Variants in ZNF345 observed in about 807,000 individuals in gnomAD.
The protein encoded by ZNF345 is zinc finger protein HZF10.
For missense variants in ZNF345, 527 were observed against 589.9 expected (o/e 0.89, Z 1.10); for synonymous variants, 166 against 187.9 (o/e 0.88, Z 0.95).
At chr19:36,887,184 CCACCACCACCACCAA>C in intron 3 of ZNF345, among the ~76,000 whole-genome samples, 1 of 151,600 alleles carries the variant, frequency 6.6e-6, no homozygotes, top group African/African-American at 2.4e-5. Context: ...ACCACCACCA[CCACCACCACCACCAA>C]CAACAACAAA....
Position 36,876,941 on chromosome 19 carries a change from AATG to A in ZNF345, c.114_116del (p.Met38del). On this transcript the variant is annotated inframe_deletion, in exon 3 of 3. Coordinates refer to ENST00000420450, the MANE Select transcript of ZNF345 (RefSeq NM_001242472.2). ...GATCTCAGGAAGGACATTTCAGTGA[AATG>A]ATATTTACTCCTGAAGACATGCCCA... 6.2e-7 allele frequency: 1 copy of A among 1,614,152 alleles called. No individual in the cohort carries two copies. Among genetic ancestry groups the A allele is most frequent in the Non-Finnish European group, 8.5e-7 (1 of 1,180,002 alleles).
In ZNF345 at chr19:36,877,598, A is replaced by G; in HGVS notation, c.768A>G (p.Lys256=). Residue 256 remains lysine (K), a synonymous_variant, in exon 3 of 3, where the codon AAA becomes AAG. Transcript: ENST00000420450. ...TRHQRIHTGE[K]PYICNECGKA... ...ATCAGAGAATTCATACCGGTGAGAA[A>G]CCATATATATGTAATGAATGTGGTA... is the stretch of plus-strand genomic sequence containing the variant. 5 of 1,614,034 alleles carry G rather than the reference A, an allele frequency of 3.1e-6. No individual in the cohort carries two copies. Among genetic ancestry groups the G allele is most frequent in the Non-Finnish European group, 4.2e-6 (5 of 1,179,996 alleles).
Position 36,878,140 on chromosome 19 carries a change from G to C in ZNF345, c.1310G>C (p.Ser437Thr), listed in dbSNP as rs538397998. 1 of 1,614,144 alleles carries C rather than the reference G, an allele frequency of 6.2e-7. No individual in the cohort carries two copies. Among genetic ancestry groups the C allele is most frequent in the East Asian group, 2.2e-5 (1 of 44,868 alleles). The change falls in exon 3 of 3, where the codon AGT (serine) becomes ACT (threonine). Residue 437 changes from serine (S) to threonine (T), a missense_variant. Ser to Thr is a moderately conservative substitution (Grantham distance 58). Transcript: ENST00000420450. ...AAGGAGTGTGGGAAGGCTTTTTATAGTGGCTCAAGCCTTACTCAGCATCAG... is the reference window on the plus strand; with the variant it reads ...AAGGAGTGTGGGAAGGCTTTTTATACTGGCTCAAGCCTTACTCAGCATCAG... ...ECKECGKAFYSGSSLTQHQRI... is the reference protein window; with the variant it reads ...ECKECGKAFYTGSSLTQHQRI...
chr19:36,872,788 TC>T, intron 2 of ZNF345: 1 of 152,342 alleles, frequency 6.6e-6, no homozygotes, highest in Admixed American at 6.5e-5. Context: ...TATATATTTT[TC>T]CCTTTATAAT....
intron 2 of ZNF345, among the ~76,000 whole-genome samples, chr19:36,852,857 TC>T (rs1395258059): frequency 6.6e-6 from 1 of 151,520 alleles, no homozygotes. Context: ...CATTTGAATG[TC>T]CCCTTTTTTG....
chr19:36,858,163 G>A (rs945658089), intron 2 of ZNF345: 6 of 152,194 alleles, frequency 3.9e-5, no homozygotes, highest in African/African-American at 1.4e-4. Flanking sequence ...GGTATGGCCT[G>A]AGCATCGCCA....
At chr19:36,855,915 A>G (rs184001575) in intron 2 of ZNF345, among the ~76,000 whole-genome samples, 109 of 152,328 alleles carry the variant, frequency 7.2e-4, no homozygotes, top group East Asian at 5.0e-3. Flanking sequence ...TTTTACCCAC[A>G]CTAGCCTTAT....
chr19:36,865,407 A>G (rs1464628278), intron 2 of ZNF345, among the ~76,000 whole-genome samples: 3 of 152,214 alleles, frequency 2.0e-5, no homozygotes, highest in Non-Finnish European at 4.4e-5. Flanking sequence ...TAAGTCATTT[A>G]TCTAAGACTG....
chr19:36,889,138 A>G (rs2073026417), intron 3 of ZNF345: 1 of 152,172 alleles, frequency 6.6e-6, no homozygotes, highest in African/African-American at 2.4e-5. Flanking sequence ...CACCCCAGGA[A>G]TAAAATCCAC....
chr19:36,862,916 G>A (rs1422085294), intron 2 of ZNF345: 5 of 152,050 alleles, frequency 3.3e-5, no homozygotes, highest in African/African-American at 4.8e-5. Context: ...ATCTTTATAA[G>A]GGAGGAAATT....
intron 2 of ZNF345, chr19:36,872,895 T>C (rs1218396526): frequency 6.6e-6 from 1 of 152,248 alleles, no homozygotes; most frequent in Non-Finnish European, 1.5e-5. Flanking sequence ...TTGAGGATCC[T>C]GAATCTTTTA....
intron 2 of ZNF345, among the ~76,000 whole-genome samples, chr19:36,865,442 A>G (rs1236625081): frequency 6.6e-6 from 1 of 152,108 alleles, no homozygotes; most frequent in Non-Finnish European, 1.5e-5. Flanking sequence ...TAGGGATATA[A>G]TACTTTTCAA....
chr19:36,877,303 G>A lies in ZNF345; in HGVS notation c.473G>A (p.Gly158Glu), dbSNP rs745487909. 1.2e-6 allele frequency: 2 copies of A among 1,613,828 alleles called. No individual in the cohort carries two copies. The highest frequency in any genetic ancestry group is 2.2e-5 in the East Asian group (1 of 44,846). Residue 158 changes from glycine to glutamate, a missense_variant, in exon 3 of 3, where the codon GGA (glycine) becomes GAA (glutamate). Transcript: ENST00000420450. ...CKECGKAFSF[G>E]SGLIRHQIIH... ...GAATGTGGGAAAGCCTTTAGTTTTGGATCAGGCCTTATTCGACATCAGATC... is the reference window on the plus strand; with the variant it reads ...GAATGTGGGAAAGCCTTTAGTTTTGAATCAGGCCTTATTCGACATCAGATC...
At chr19:36,858,561 G>A (rs761148253) in intron 2 of ZNF345, among the ~76,000 whole-genome samples, 8 of 152,158 alleles carry the variant, frequency 5.3e-5, no homozygotes, top group Non-Finnish European at 1.0e-4. Flanking sequence ...GAGGTCGGGA[G>A]TTCGAGACCA....
downstream of ZNF345, among the ~76,000 whole-genome samples, chr19:36,882,811 T>G (rs565572981): frequency 3.3e-5 from 5 of 150,986 alleles, no homozygotes; most frequent in East Asian, 9.6e-4. Context: ...TTTATAGATA[T>G]ATGATGTGAA....
Position 36,892,093 on chromosome 19 carries a change from A to G in ZNF345, c.47-725A>G, listed in dbSNP as rs376364399. On this transcript the variant is annotated intron_variant, in intron 3 of 3. Coordinates refer to the ZNF345 transcript ENST00000526123. ...TTCATAGGGTTTCTCACCAGTGTGAATCCTCTGATGTTGAGAAAAATATGA... is the reference window on the plus strand; with the variant it reads ...TTCATAGGGTTTCTCACCAGTGTGAGTCCTCTGATGTTGAGAAAAATATGA... 18 of 1,614,116 alleles carry G rather than the reference A, an allele frequency of 1.1e-5. No homozygotes were observed. Among genetic ancestry groups the G allele is most frequent in the Non-Finnish European group, 1.5e-5 (18 of 1,180,010 alleles).
chr19:36,889,120 C>T (rs1357998125), intron 3 of ZNF345: 1 of 152,114 alleles, frequency 6.6e-6, no homozygotes, highest in South Asian at 2.1e-4. Context: ...TATGTTGAGC[C>T]ATCCTTACAC....
At chr19:36,863,338 G>T (rs2072593953) in intron 2 of ZNF345, among the ~76,000 whole-genome samples, 1 of 152,166 alleles carries the variant, frequency 6.6e-6, no homozygotes, top group Non-Finnish European at 1.5e-5. Flanking sequence ...TAAAGAGAAT[G>T]AGCATGCCCT....
At chr19:36,858,538 C>T (rs928636911) in intron 2 of ZNF345, among the ~76,000 whole-genome samples, 12 of 152,122 alleles carry the variant, frequency 7.9e-5, no homozygotes, top group Middle Eastern at 3.4e-3. Context: ...GGAAGGCGGG[C>T]GGCGGATCAC....
Sources: allele counts gnomAD v4.1 joint callset (sites outside exome capture counted in the v4.1 genomes callset), GRCh38; gene constraint gnomAD v4.1.1; transcripts MANE v1.5; gene names NCBI Gene and HGNC (gene_info 2026-07-23, HGNC 2026-07-21).